Variants in FOXP1 observed in about 807,000 individuals in gnomAD.
FOXP1 encodes forkhead box protein P1.
In FOXP1, 15 loss-of-function variants were observed where a neutral mutation model predicts 98.2. The observed-to-expected ratio is 0.15, with a 90% confidence interval of 0.10 to 0.24. The LOEUF (loss-of-function observed/expected upper bound fraction) is 0.24, where lower values mean the gene tolerates loss of function less well. Ranked by LOEUF, FOXP1 falls within the 10% of genes least tolerant of loss-of-function variation. The pLI, the probability that FOXP1 is intolerant of heterozygous loss-of-function variation, is 1.00. For synonymous variants in FOXP1, 371 were observed against 314.5 expected (o/e 1.18, Z -1.90); for missense variants, 633 against 848.5 (o/e 0.75, Z 3.15).
intron 7 of FOXP1, among the ~76,000 whole-genome samples, chr3:71,064,090 T>C (rs2051978500): frequency 6.6e-6 from 1 of 152,160 alleles, no homozygotes; most frequent in Admixed American, 6.5e-5. Flanking sequence ...CGCTCACTAC[T>C]TAATTAACCA....
chr3:71,580,276 AC>A (rs746215089), intron 2 of FOXP1, among the ~76,000 whole-genome samples: 208 of 151,010 alleles, frequency 1.4e-3, no homozygotes, highest in Non-Finnish European at 2.2e-3. Context: ...AAGATGTTAA[AC>A]CTTTTTTTTT....
At chr3:71,120,451 A>C (rs831450) in intron 6 of FOXP1, among the ~76,000 whole-genome samples, 42,507 of 152,154 alleles carry the variant, frequency 0.28, 6,497 homozygotes, top group East Asian at 0.6. Flanking sequence ...TTTAGGTAGG[A>C]CATTTTGCAT....
chr3:71,017,694 T>G lies in FOXP1; in HGVS notation c.870-2041A>C, dbSNP rs188360077. On this transcript the variant is annotated intron_variant, in intron 11 of 20. Transcript: ENST00000649528. ...ACTTAACTCTAGTTATATGCCAAAA[T>G]TTAACCATTCCTCTATTTTGGACAT... is the stretch of plus-strand genomic sequence containing the variant. Among the ~76,000 whole-genome samples the G allele has an allele frequency of 2.0e-5, 3 of 152,310 alleles. No homozygotes were observed. In the East Asian group the frequency reaches 5.8e-4, roughly 29 times the overall value.
At chr3:71,220,371 C>G (rs938993909) in intron 5 of FOXP1, among the ~76,000 whole-genome samples, 3 of 152,142 alleles carry the variant, frequency 2.0e-5, no homozygotes, top group Non-Finnish European at 4.4e-5. Context: ...GAACAGGCCA[C>G]TTTCAGAGTA....
chr3:71,182,872 C>T lies in FOXP1; in HGVS notation c.180+15330G>A, dbSNP rs536671052. ...ATGTATATAAAATAAACTATAATCC[C>T]ATTAACAGACCCCCCCAAAAAAAAC... On this transcript the variant is annotated intron_variant, in intron 6 of 20. Coordinates refer to ENST00000649528, the MANE Select transcript of FOXP1 (RefSeq NM_001349338.3). Among the ~76,000 whole-genome samples the T allele has an allele frequency of 6.9e-4, 105 of 151,802 alleles. 2 individuals are homozygous for T. The highest frequency in any genetic ancestry group is 2.4e-3 in the African/African-American group (100 of 41,264).
At chr3:71,145,297 G>A (rs939105784) in intron 6 of FOXP1, among the ~76,000 whole-genome samples, 11 of 152,138 alleles carry the variant, frequency 7.2e-5, no homozygotes, top group African/African-American at 2.7e-4. Context: ...AGGACTTTGG[G>A]AGGTCAAGGC....
chr3:71,172,212 GA>G (rs1425418557), intron 6 of FOXP1, among the ~76,000 whole-genome samples: 6 of 151,934 alleles, frequency 3.9e-5, no homozygotes, highest in Admixed American at 3.3e-4. Context: ...GTTATAAAAT[GA>G]AAAGTTTCTG....
At position 71,530,708 on chromosome 3, in the gene FOXP1, G is replaced by T. The variant is rs116616936; in HGVS notation, c.-297-37153C>A. Reference sequence around the variant, plus strand: ...CTTTCTAAGCACTGTCTCATTTAACGTTCATGACAACAAGGTAGGTGTGAT... The same window carrying T: ...CTTTCTAAGCACTGTCTCATTTAACTTTCATGACAACAAGGTAGGTGTGAT... On this transcript the variant is annotated intron_variant, in intron 2 of 20. Transcript: ENST00000649528. 6.3e-3 allele frequency among the ~76,000 whole-genome samples: 961 copies of T among 152,240 alleles called. 13 individuals are homozygous for T. The highest frequency in any genetic ancestry group is 0.022 in the African/African-American group (922 of 41,526).
intron 5 of FOXP1, among the ~76,000 whole-genome samples, chr3:71,252,185 T>G (rs1452492999): frequency 6.6e-6 from 1 of 152,194 alleles, no homozygotes; most frequent in Non-Finnish European, 1.5e-5. Flanking sequence ...AATGCAACCA[T>G]GTAGGAAAGT....
At chr3:71,184,790 A>G (rs1217589032) in intron 6 of FOXP1, among the ~76,000 whole-genome samples, 2 of 152,064 alleles carry the variant, frequency 1.3e-5, no homozygotes, top group Non-Finnish European at 2.9e-5. Flanking sequence ...ATTGTAGATG[A>G]AATTGCAATC....
At chr3:71,012,706 C>G (rs184038557) in intron 12 of FOXP1, among the ~76,000 whole-genome samples, 3 of 152,140 alleles carry the variant, frequency 2.0e-5, no homozygotes, top group Admixed American at 2.0e-4. Context: ...AAGATAGATA[C>G]AGAGACTGTT....
At chr3:71,061,774 T>C (rs1257853706) in intron 7 of FOXP1, among the ~76,000 whole-genome samples, 1 of 152,188 alleles carries the variant, frequency 6.6e-6, no homozygotes, top group African/African-American at 2.4e-5. Context: ...TCTTTAGTGA[T>C]GTTCATCTAC....
intron 5 of FOXP1, among the ~76,000 whole-genome samples, chr3:71,297,003 A>C (rs1192525193): frequency 6.6e-6 from 1 of 152,236 alleles, no homozygotes; most frequent in African/African-American, 2.4e-5. Context: ...AGTCTGCAGA[A>C]TTATGAGCCA....
chr3:71,220,839 C>T (rs1453186950), intron 5 of FOXP1, among the ~76,000 whole-genome samples: 1 of 151,046 alleles, frequency 6.6e-6, no homozygotes, highest in Non-Finnish European at 1.5e-5. Context: ...ATAGGTAATT[C>T]CTGTACTTAG....
chr3:71,226,189 T>C (rs1176381780), intron 5 of FOXP1, among the ~76,000 whole-genome samples: 1 of 152,200 alleles, frequency 6.6e-6, no homozygotes, highest in African/African-American at 2.4e-5. Context: ...TGAAATTACA[T>C]CAATTGAATC....
chr3:71,411,384 G>C (rs559227410), intron 3 of FOXP1, among the ~76,000 whole-genome samples: 1 of 151,686 alleles, frequency 6.6e-6, no homozygotes, highest in Non-Finnish European at 1.5e-5. Flanking sequence ...GCGCGATATG[G>C]GCTCACTGCA....
At chr3:71,198,762 G>A (rs1299183240) in intron 5 of FOXP1, among the ~76,000 whole-genome samples, 2 of 151,052 alleles carry the variant, frequency 1.3e-5, no homozygotes, top group Admixed American at 6.6e-5. Context: ...GTGCAATCTC[G>A]GCTCACTGCA....
chr3:71,337,069 G>A (rs1237580779), intron 4 of FOXP1, among the ~76,000 whole-genome samples: 1 of 152,194 alleles, frequency 6.6e-6, no homozygotes, highest in Non-Finnish European at 1.5e-5. Context: ...ATATTAAACT[G>A]TGGTGTCTAA....
At chr3:71,410,474 C>T (rs992492776) in intron 3 of FOXP1, among the ~76,000 whole-genome samples, 10 of 152,138 alleles carry the variant, frequency 6.6e-5, no homozygotes, top group Non-Finnish European at 1.3e-4. Context: ...TCCTTCCTGA[C>T]GTAATTTTAC....
Sources: gnomAD v4.1 joint callset for allele counts (sites outside exome capture counted in the v4.1 genomes callset) on GRCh38, gnomAD v4.1.1 for gene constraint, MANE v1.5 for transcripts, NCBI Gene and HGNC (gene_info 2026-07-23, HGNC 2026-07-21) for gene names.